Variants in CACNA2D3 observed in about 807,000 individuals in gnomAD.
The protein encoded by CACNA2D3 is calcium voltage-gated channel auxiliary subunit alpha2delta 3.
CACNA2D3 carries 60 observed loss-of-function variants against 160.6 expected under a neutral mutation model. The observed-to-expected ratio is 0.37, with a 90% CI of 0.30 to 0.46. The LOEUF (loss-of-function observed/expected upper bound fraction) is 0.46. CACNA2D3 is among the 20% of genes least tolerant of loss of function. The pLI is 1.00. For missense variants in CACNA2D3, 1,205 were observed against 1,365.0 expected (o/e 0.88, Z 1.85); for synonymous variants, 558 against 492.9 (o/e 1.13, Z -1.75).
intron 5 of CACNA2D3, among the ~76,000 whole-genome samples, chr3:54,548,322 G>T (rs528971360): frequency 6.6e-6 from 1 of 152,210 alleles, no homozygotes; most frequent in Non-Finnish European, 1.5e-5. Context: ...AGATGTGTTG[G>T]TTAAAATTTC....
At chr3:54,487,078 A>C (rs1309398663) in intron 4 of CACNA2D3, among the ~76,000 whole-genome samples, 1 of 152,202 alleles carries the variant, frequency 6.6e-6, no homozygotes, top group African/African-American at 2.4e-5. Flanking sequence ...CTTATTATTC[A>C]CATAACCTTA....
intron 27 of CACNA2D3, among the ~76,000 whole-genome samples, chr3:54,952,726 GA>G (rs915574548): frequency 6.6e-6 from 1 of 152,144 alleles, no homozygotes; most frequent in African/African-American, 2.4e-5. Context: ...TTCCAGATGG[GA>G]AAGCTCTCTC....
chr3:54,809,952 C>G (rs980302326), intron 13 of CACNA2D3, among the ~76,000 whole-genome samples: 9 of 152,144 alleles, frequency 5.9e-5, no homozygotes, highest in Non-Finnish European at 1.3e-4. Flanking sequence ...AGGAAGATTA[C>G]ACAGTGCAAC....
chr3:54,681,143 G>C (rs1170109389), intron 11 of CACNA2D3, among the ~76,000 whole-genome samples: 2 of 151,504 alleles, frequency 1.3e-5, no homozygotes, highest in African/African-American at 2.4e-5. Context: ...GAGAGACAGA[G>C]AGAGAAGAGA....
chr3:54,665,788 TA>T (rs370616980), intron 11 of CACNA2D3, among the ~76,000 whole-genome samples: 16 of 150,482 alleles, frequency 1.1e-4, no homozygotes, highest in South Asian at 8.4e-4. Flanking sequence ...AGAGGATGGT[TA>T]TTTTTTTTTT....
intron 13 of CACNA2D3, among the ~76,000 whole-genome samples, chr3:54,811,011 C>A (rs912760859): frequency 1.3e-5 from 2 of 152,186 alleles, no homozygotes; most frequent in Admixed American, 6.5e-5. Flanking sequence ...TGGGCTCTCC[C>A]TGGTGGGATG....
chr3:54,996,623 G>T (rs1702864354), intron 31 of CACNA2D3, among the ~76,000 whole-genome samples: 1 of 152,140 alleles, frequency 6.6e-6, no homozygotes, highest in African/African-American at 2.4e-5. Context: ...TCAAATCAGT[G>T]CTGCTCTCCA....
chr3:55,020,592 G>A (rs1487401461), intron 35 of CACNA2D3, among the ~76,000 whole-genome samples: 2 of 151,846 alleles, frequency 1.3e-5, no homozygotes, highest in Admixed American at 6.6e-5. Context: ...GCTCACGCCT[G>A]TAATCTCAAC....
chr3:55,064,380 T>TGGCCCA (rs1430266256), intron 35 of CACNA2D3, among the ~76,000 whole-genome samples: 5 of 152,158 alleles, frequency 3.3e-5, no homozygotes, highest in Non-Finnish European at 7.3e-5. Context: ...TCTGCTTGCC[T>TGGCCCA]GGCCCAGGCC....
intron 33 of CACNA2D3, 43 bp from the exon 34 acceptor site, chr3:55,009,345 A>G: frequency 6.5e-7 from 1 of 1,548,252 alleles, no homozygotes; most frequent in South Asian, 1.1e-5. Flanking sequence ...TGATATGGGC[A>G]TGGATGACGA....
intron 34 of CACNA2D3, among the ~76,000 whole-genome samples, chr3:55,017,662 A>G (rs1703355723): frequency 6.6e-6 from 1 of 152,198 alleles, no homozygotes; most frequent in South Asian, 2.1e-4. Flanking sequence ...GTGCTCATCC[A>G]CATACCAGGG....
At chr3:54,810,348 C>G (rs1028964506) in intron 13 of CACNA2D3, among the ~76,000 whole-genome samples, 2 of 152,190 alleles carry the variant, frequency 1.3e-5, no homozygotes, top group Admixed American at 1.3e-4. Flanking sequence ...GGATGTGAGA[C>G]AACCTGCACT....
chr3:54,567,621 T>G (rs1273492588), intron 6 of CACNA2D3, among the ~76,000 whole-genome samples: 1 of 152,128 alleles, frequency 6.6e-6, no homozygotes, highest in Non-Finnish European at 1.5e-5. Context: ...CTGCAACCTC[T>G]GCTGCCCAAG....
intron 2 of CACNA2D3, among the ~76,000 whole-genome samples, chr3:54,150,202 T>G (rs1297912212): frequency 6.6e-6 from 1 of 151,986 alleles, no homozygotes; most frequent in Non-Finnish European, 1.5e-5. Flanking sequence ...GAAAAACCCC[T>G]AGAACTCCAG....
At chr3:54,937,146 G>A (rs1458872632) in intron 27 of CACNA2D3, among the ~76,000 whole-genome samples, 2 of 152,162 alleles carry the variant, frequency 1.3e-5, no homozygotes, top group Non-Finnish European at 2.9e-5. Context: ...TAAAAATAAG[G>A]TGTGCTCAAG....
intron 12 of CACNA2D3, among the ~76,000 whole-genome samples, chr3:54,753,285 T>G (rs556191765): frequency 3.6e-4 from 55 of 152,320 alleles, no homozygotes; most frequent in African/African-American, 1.2e-3. Flanking sequence ...ATCCGTATGC[T>G]CTCTCATCAT....
At chr3:54,274,329 T>C (rs540978192) in intron 2 of CACNA2D3, among the ~76,000 whole-genome samples, 1 of 152,252 alleles carries the variant, frequency 6.6e-6, no homozygotes, top group African/African-American at 2.4e-5. Flanking sequence ...TTTTCTTCTT[T>C]CTTTCTTTTT....
intron 11 of CACNA2D3, among the ~76,000 whole-genome samples, chr3:54,738,352 A>G (rs930320826): frequency 6.6e-6 from 1 of 152,216 alleles, no homozygotes; most frequent in African/African-American, 2.4e-5. Context: ...CATGTTTAAA[A>G]TGGAAGATTG....
chr3:54,405,885 A>G (rs1430926191), intron 4 of CACNA2D3, among the ~76,000 whole-genome samples: 3 of 152,010 alleles, frequency 2.0e-5, no homozygotes, highest in African/African-American at 7.2e-5. Context: ...AGCAATGTGC[A>G]AAGGACATTA....
Sources: gnomAD v4.1 joint callset for allele counts (sites outside exome capture counted in the v4.1 genomes callset) on GRCh38, gnomAD v4.1.1 for gene constraint, MANE v1.5 for transcripts, NCBI Gene and HGNC (gene_info 2026-07-23, HGNC 2026-07-21) for gene names.